WDR5: variants seen among roughly 807,000 people sequenced by gnomAD.
WDR5 encodes the protein WD repeat domain 5.
For missense variants in WDR5, 187 were observed against 416.9 expected (o/e 0.45, Z 4.80); for synonymous variants, 144 against 161.6 (o/e 0.89, Z 0.83).
In WDR5 at chr9:134,158,034, A is replaced by G. The variant is rs777440706; in HGVS notation, c.*41A>G. On this transcript the variant is annotated 3_prime_UTR_variant, in exon 14 of 14. Coordinates refer to ENST00000358625, the MANE Select transcript of WDR5 (RefSeq NM_017588.3). ...CCCGCGAGAGACTGTCGGGAAGTTG[A>G]CCCGGATTGGCAAGAAACAGGGTGT... The G allele has an allele frequency of 6.3e-7, 1 of 1,593,624 alleles. No homozygotes were observed. Among genetic ancestry groups the G allele is most frequent in the African/African-American group, 1.3e-5 (1 of 74,474 alleles).
In WDR5 at chr9:134,158,177, G is replaced by C; in HGVS notation, c.*184G>C. ...GTGGACCACCGGAAAGTTCTTAAAA[G>C]TTGCTGGTGACATTTCTTGCCAATT... On this transcript the variant is annotated 3_prime_UTR_variant, in exon 14 of 14. Coordinates refer to ENST00000358625, the MANE Select transcript of WDR5 (RefSeq NM_017588.3). 2 of 565,474 alleles carry C rather than the reference G, an allele frequency of 3.5e-6. No individual in the cohort carries two copies. The highest frequency in any genetic ancestry group is 4.5e-5 in the South Asian group (2 of 44,688). 35.0% of individuals were successfully genotyped at this position (565,474 alleles called of 1,614,324 possible).
chr9:134,156,936 C>T (rs374544136), intron 13 of WDR5, among the ~76,000 whole-genome samples: 9 of 152,318 alleles, frequency 5.9e-5, no homozygotes, highest in African/African-American at 1.4e-4. Context: ...GTGAGGTCAT[C>T]GCTGCCCCAT....
chr9:134,149,285 C>T (rs1832373421), intron 8 of WDR5, among the ~76,000 whole-genome samples: 1 of 152,218 alleles, frequency 6.6e-6, no homozygotes, highest in African/African-American at 2.4e-5. Context: ...TCACAGCACA[C>T]ACTTCCGGGC....
intron 9 of WDR5, among the ~76,000 whole-genome samples, chr9:134,154,114 G>A (rs1472141381): frequency 6.6e-6 from 1 of 152,186 alleles, no homozygotes; most frequent in Non-Finnish European, 1.5e-5. Flanking sequence ...CTTTGCTGCT[G>A]GTGGAGTTGT....
chr9:134,151,104 T>C (rs1476731040), intron 8 of WDR5, among the ~76,000 whole-genome samples: 3 of 152,062 alleles, frequency 2.0e-5, no homozygotes, highest in Non-Finnish European at 4.4e-5. Context: ...TTGAGATCCA[T>C]GGGGCAGCAG....
At position 134,156,731 on chromosome 9, in the gene WDR5, C is replaced by T. The variant is rs28572025; in HGVS notation, c.904+138C>T. Reference sequence around the variant, plus strand: ...CCCTCCGCTGGCCCCGCTGAGGAACCGCTGCTAAGAGCTCTTGCCCAAGGC... The same window carrying T: ...CCCTCCGCTGGCCCCGCTGAGGAACTGCTGCTAAGAGCTCTTGCCCAAGGC... On this transcript the variant is annotated intron_variant, in intron 13 of 13. Coordinates refer to ENST00000358625, the MANE Select transcript of WDR5 (RefSeq NM_017588.3). 0.011 allele frequency: 8,884 copies of T among 783,960 alleles called. 559 individuals are homozygous for T. In the African/African-American group the frequency reaches 0.13, roughly 12 times the overall value. 48.6% of individuals were successfully genotyped at this position (783,960 alleles called of 1,614,324 possible). A position where few individuals can be genotyped will look rare whatever the true frequency, so the allele number is the denominator to read the frequency against.
At chr9:134,153,089 C>A (rs1832574765) in intron 9 of WDR5, among the ~76,000 whole-genome samples, 1 of 152,190 alleles carries the variant, frequency 6.6e-6, no homozygotes, top group South Asian at 2.1e-4. Flanking sequence ...CTTGTGGGGC[C>A]AGCCTTTTGC....
At chr9:134,140,627 G>T in intron 2 of WDR5, 76 bp from the exon 3 acceptor site, 4 of 1,178,750 alleles carry the variant, frequency 3.4e-6, no homozygotes, top group Non-Finnish European at 5.1e-6. Flanking sequence ...ATTAAATGGT[G>T]GGAGTCAAAA....
At chr9:134,152,154 C>G in intron 9 of WDR5, 125 bp downstream of exon 9, 3 of 1,131,378 alleles carry the variant, frequency 2.7e-6, no homozygotes, top group Non-Finnish European at 3.8e-6. Context: ...CAGGAGGAAC[C>G]TTCCTCCGTG....
intron 9 of WDR5, among the ~76,000 whole-genome samples, chr9:134,152,267 C>T (rs1265997666): frequency 6.6e-6 from 1 of 152,246 alleles, no homozygotes; most frequent in African/African-American, 2.4e-5. Flanking sequence ...CCTGGGGCTC[C>T]TCCACCTGTG....
chr9:134,141,886 G>A, intron 4 of WDR5, 63 bp from the exon 5 acceptor site: 1 of 1,505,442 alleles, frequency 6.6e-7, no homozygotes, highest in Non-Finnish European at 9.2e-7. Context: ...TTGGGATTTT[G>A]ACCTTTTGCC....
rs189179806 is a variant in WDR5 at position 134,139,366 on chromosome 9, G to A, written c.-58-454G>A. ...CAAACGTGGCTGTGAACGTGATTGCGTCACTTGGGGTGCATTTTAGGATTT... is the reference window on the plus strand; with the variant it reads ...CAAACGTGGCTGTGAACGTGATTGCATCACTTGGGGTGCATTTTAGGATTT... On this transcript the variant is annotated intron_variant, in intron 1 of 13. Transcript: ENST00000358625. Among the ~76,000 whole-genome samples the A allele has an allele frequency of 3.8e-3, 572 of 152,324 alleles. 6 individuals are homozygous for A. Among genetic ancestry groups the A allele is most frequent in the African/African-American group, 0.013 (542 of 41,558 alleles).
rs1038221124 is a variant in WDR5 at position 134,158,991 on chromosome 9, G to C, written c.*998G>C. ...CCTTACTCCAGGTCAGATGCCAGTG[G>C]GACTCATGCGCCCTATGAGGGCTGC... On this transcript the variant is annotated 3_prime_UTR_variant, in exon 14 of 14. Transcript: ENST00000358625. 7 of 152,258 alleles carry C rather than the reference G, an allele frequency of 4.6e-5. No homozygotes were observed. The highest frequency in any genetic ancestry group is 1.5e-5 in the Non-Finnish European group (1 of 68,080). The allele number at this position is 152,258 out of a possible 1,614,324, so 9.4% of individuals were successfully genotyped here. A position where few individuals can be genotyped will look rare whatever the true frequency, so the allele number is the denominator to read the frequency against.
chr9:134,142,971 C>T (rs906999378), intron 7 of WDR5, among the ~76,000 whole-genome samples: 2 of 152,090 alleles, frequency 1.3e-5, no homozygotes, highest in Admixed American at 6.5e-5. Flanking sequence ...ACCAAGGGGC[C>T]GTTTGTGCAG....
rs750642247 is a variant in WDR5, at chr9:134,148,273, C to T, written c.529-15C>T. On this transcript the variant is annotated splice_polypyrimidine_tract_variant and intron_variant, in intron 7 of 13. Transcript: ENST00000358625. ...AAGTAAGTTTTTGTCTCTTCTTCCT[C>T]TCCTTAATTCCTAGGTTCATTTTAA... The T allele has an allele frequency of 1.0e-5, 16 of 1,537,094 alleles. No individual in the cohort carries two copies. Among genetic ancestry groups the T allele is most frequent in the Non-Finnish European group, 1.3e-5 (15 of 1,135,638 alleles).
At position 134,140,840 on chromosome 9, in the gene WDR5, G is replaced by T. The variant is rs886844934; in HGVS notation, c.190+29G>T. 4 of 1,597,606 alleles carry T rather than the reference G, an allele frequency of 2.5e-6. No homozygotes were observed. In the African/African-American group the frequency reaches 5.4e-5, roughly 21 times the overall value. On this transcript the variant is annotated intron_variant, in intron 3 of 13. Transcript: ENST00000358625. ...CGTAGCACTGAGGCCCTTAGCTGCTGGGAGAGGCGGTCTGAGCTGCAGACA... is the reference window on the plus strand; with the variant it reads ...CGTAGCACTGAGGCCCTTAGCTGCTTGGAGAGGCGGTCTGAGCTGCAGACA...
In WDR5 at chr9:134,153,059, C is replaced by T. The variant is rs552875027; in HGVS notation, c.631+1030C>T. 2.2e-4 allele frequency among the ~76,000 whole-genome samples: 34 copies of T among 152,322 alleles called. No homozygotes were observed. In the East Asian group the frequency reaches 5.2e-3, roughly 23 times the overall value. ...TTCAGCATGAGTCCCCTTGCCACAGCGGTCTTTATAGCTTCCTGCCTTGTG... is the reference window on the plus strand; with the variant it reads ...TTCAGCATGAGTCCCCTTGCCACAGTGGTCTTTATAGCTTCCTGCCTTGTG... On this transcript the variant is annotated intron_variant, in intron 9 of 13. Transcript: ENST00000358625.
In WDR5 at chr9:134,139,796, C is replaced by G. The variant is rs1040273596; in HGVS notation, c.-58-24C>G. ...TAAAATATAGTTTGTTTCTTGGCTC[C>G]CTGTTCTGCATCTCGCTCAACAGAC... On this transcript the variant is annotated intron_variant, in intron 1 of 13. Transcript: ENST00000358625. 2.8e-6 allele frequency: 4 copies of G among 1,451,814 alleles called. No individual in the cohort carries two copies. In the African/African-American group the frequency reaches 5.6e-5, roughly 20 times the overall value. The allele number at this position is 1,451,814 out of a possible 1,614,324, so 89.9% of individuals were successfully genotyped here.
chr9:134,141,608 A>G lies in WDR5; in HGVS notation c.264+25A>G, dbSNP rs1002388480. On this transcript the variant is annotated intron_variant, in intron 4 of 13. Coordinates refer to ENST00000358625, the MANE Select transcript of WDR5 (RefSeq NM_017588.3). ...GGTAGGTTTCAGCCCTGTGCGGTGA[A>G]GTTGACTGTTGAACAGGGTGGCTCT... 15 of 1,613,178 alleles carry G rather than the reference A, an allele frequency of 9.3e-6. No individual in the cohort carries two copies. The highest frequency in any genetic ancestry group is 1.3e-5 in the Non-Finnish European group (15 of 1,179,118).
Sources: gnomAD v4.1 joint callset for allele counts (sites outside exome capture counted in the v4.1 genomes callset) on GRCh38, gnomAD v4.1.1 for gene constraint, MANE v1.5 for transcripts, NCBI Gene and HGNC (gene_info 2026-07-23, HGNC 2026-07-21) for gene names.